CAMKK1: variants seen among roughly 807,000 people sequenced by gnomAD.
CAMKK1 encodes calcium/calmodulin dependent protein kinase kinase 1.
Under a neutral mutation model 63.5 loss-of-function variants are expected in CAMKK1, and 20 were observed. That is an observed-to-expected ratio of 0.32 (90% CI 0.22 to 0.46). The LOEUF is 0.46. CAMKK1 is among the 20% of genes least tolerant of loss of function. The probability of loss-of-function intolerance (pLI) is 1.00; values close to 1 mark genes in which losing one functional copy is unlikely to be tolerated. For synonymous variants in CAMKK1, 253 were observed against 269.0 expected (o/e 0.94, Z 0.58); for missense variants, 588 against 658.1 (o/e 0.89, Z 1.17).
At chr17:3,881,708 T>A (rs1035748281) in intron 7 of CAMKK1, 60 bp from the exon 8 acceptor site, 1 of 1,492,524 alleles carries the variant, frequency 6.7e-7, no homozygotes, top group African/African-American at 1.4e-5. Context: ...GATGCCAAGG[T>A]CCCTCCCTGT....
intron 12 of CAMKK1, among the ~76,000 whole-genome samples, chr17:3,871,351 T>TTTTTTTTTTTTTTTTTTTTTTTTTTA (rs2054852975): frequency 1.3e-5 from 1 of 77,482 alleles, no homozygotes; most frequent in Non-Finnish European, 2.4e-5. Flanking sequence ...TTTTTTGTTT[T>TTTTTTTTTTTTTTTTTTTTTTTTTTA]TTTTTTTTTT....
At chr17:3,876,635 G>A (rs138121997) in intron 9 of CAMKK1, among the ~76,000 whole-genome samples, 184 of 152,310 alleles carry the variant, frequency 1.2e-3, no homozygotes, top group African/African-American at 4.4e-3. Flanking sequence ...GCCAGGACTG[G>A]AATCTTAGGA....
At chr17:3,880,215 C>T in intron 9 of CAMKK1, 131 bp downstream of exon 9, 2 of 755,472 alleles carry the variant, frequency 2.6e-6, no homozygotes, top group Admixed American at 4.6e-5. Context: ...GTGCATGCCC[C>T]ACTCCCACTG....
chr17:3,866,514 C>T (rs1024251756), intron 14 of CAMKK1, among the ~76,000 whole-genome samples: 24 of 152,366 alleles, frequency 1.6e-4, no homozygotes, highest in African/African-American at 5.0e-4. Context: ...GTCCCTCCTC[C>T]GTGACAAGGA....
At position 3,879,382 on chromosome 17, in the gene CAMKK1, C is replaced by CA. The variant is rs1364814458; in HGVS notation, c.796+963dup. The CA allele has an allele frequency of 6.6e-6, 1 of 152,640 alleles. No individual in the cohort carries two copies. The highest frequency in any genetic ancestry group is 2.4e-5 in the African/African-American group (1 of 41,450). The allele number at this position is 152,640 out of a possible 1,614,324, so 9.5% of individuals were successfully genotyped here. Reference sequence around the variant, plus strand: ...ATCCAGCCACCACACAGCTGCCAGACAGAGCTTTCTCAGGCACAAATCCCA... The same window carrying CA: ...ATCCAGCCACCACACAGCTGCCAGACAAGAGCTTTCTCAGGCACAAATCCCA... On this transcript the variant is annotated intron_variant, in intron 9 of 15. Transcript: ENST00000348335. This position sits in a 1 kb window ranked among gnomAD's most constrained non-coding sequence, Gnocchi z 4.5.
chr17:3,875,680 C>G (rs564963646), intron 10 of CAMKK1, among the ~76,000 whole-genome samples: 63 of 152,300 alleles, frequency 4.1e-4, no homozygotes, highest in African/African-American at 1.5e-3. Flanking sequence ...GTGAAACAGC[C>G]ATGTGCCCAG....
Position 3,884,047 on chromosome 17 carries a change from T to G in CAMKK1, c.409-110A>C. 9.6e-7 allele frequency: 1 copy of G among 1,044,700 alleles called. No homozygotes were observed. Among genetic ancestry groups the G allele is most frequent in the Admixed American group, 1.9e-5 (1 of 52,404 alleles). The allele number at this position is 1,044,700 out of a possible 1,614,324, so 64.7% of individuals were successfully genotyped here. ...GGTCTCTCCTGCACCCCATCTGCAC[T>G]ACCCACCACCAGCTGGCTCACGGGC... On this transcript the variant is annotated intron_variant, in intron 3 of 15. Transcript: ENST00000348335. This position sits in a 1 kb window ranked among gnomAD's most constrained non-coding sequence, Gnocchi z 4.5.
chr17:3,888,074 A>G (rs2055733234), intron 1 of CAMKK1, among the ~76,000 whole-genome samples: 1 of 152,340 alleles, frequency 6.6e-6, no homozygotes, highest in East Asian at 1.9e-4. Flanking sequence ...AAGCAGCCTC[A>G]GAGAGGCAAC....
chr17:3,882,257 C>T lies in CAMKK1; in HGVS notation c.685+271G>A. The T allele has an allele frequency of 6.2e-7, 1 of 1,609,448 alleles. No individual in the cohort carries two copies. The highest frequency in any genetic ancestry group is 2.2e-5 in the East Asian group (1 of 44,848). ...CATGCAGCCTGCTTCCTGCATCTAC[C>T]TGAGCGCGCAGCCCACGTGGATCCA... On this transcript the variant is annotated intron_variant, in intron 7 of 15. Coordinates refer to ENST00000348335, the MANE Select transcript of CAMKK1 (RefSeq NM_032294.3). This position sits in a 1 kb window ranked among gnomAD's most constrained non-coding sequence, Gnocchi z 4.3.
rs994685611 is a variant in CAMKK1, at chr17:3,892,141, C to G, written c.-44+798G>C. On this transcript the variant is annotated intron_variant, in intron 1 of 15. Transcript: ENST00000348335. This position sits in a 1 kb window ranked among gnomAD's most constrained non-coding sequence, Gnocchi z 7.5. Reference sequence around the variant, plus strand: ...CCCGCCCTGCGGACACCACCAAGGCCCGGTCCTGTGGCCTGTGACACAGCC... The same window carrying G: ...CCCGCCCTGCGGACACCACCAAGGCGCGGTCCTGTGGCCTGTGACACAGCC... Among the ~76,000 whole-genome samples, 2 of 152,080 alleles carry G rather than the reference C, an allele frequency of 1.3e-5. No homozygotes were observed. Among genetic ancestry groups the G allele is most frequent in the Admixed American group, 6.5e-5 (1 of 15,274 alleles).
Position 3,876,209 on chromosome 17 carries a change from G to C in CAMKK1, c.996+14C>G, listed in dbSNP as rs2055144533. On this transcript the variant is annotated intron_variant, in intron 10 of 15. Coordinates refer to ENST00000348335, the MANE Select transcript of CAMKK1 (RefSeq NM_032294.3). ...CCACTTGAACCCCAGCCTGGCCCAG[G>C]GCCTGCGAGTCACCTTCCCACTGAA... The C allele has an allele frequency of 6.2e-7, 1 of 1,612,242 alleles. No homozygotes were observed. The highest frequency in any genetic ancestry group is 1.1e-5 in the South Asian group (1 of 90,946).
rs537670949 is a variant in CAMKK1 at position 3,876,514 on chromosome 17, G to A, written c.797-92C>T. 2.4e-5 allele frequency: 27 copies of A among 1,122,100 alleles called. 1 individual carries two copies. In the East Asian group the frequency reaches 4.6e-4, roughly 19 times the overall value. The allele number at this position is 1,122,100 out of a possible 1,614,324, so 69.5% of individuals were successfully genotyped here. A position where few individuals can be genotyped will look rare whatever the true frequency, so the allele number is the denominator to read the frequency against. ...CCTTGCACAGCCAGGGACGCCGGCC[G>A]GGACATCCCAGCCCATGCACACTTT... On this transcript the variant is annotated intron_variant, in intron 9 of 15. Transcript: ENST00000348335.
At position 3,882,399 on chromosome 17, in the gene CAMKK1, C is replaced by CGT; in HGVS notation, c.685+127_685+128dup. ...GGCAAGGGAATCCAGGGCTTCAGAA[C>CGT]GTGTGTTTTTCTTCTGTCCCCAGGA... On this transcript the variant is annotated intron_variant, in intron 7 of 15. Coordinates refer to ENST00000348335, the MANE Select transcript of CAMKK1 (RefSeq NM_032294.3). This position sits in a 1 kb window ranked among gnomAD's most constrained non-coding sequence, Gnocchi z 4.3. 1 of 1,595,990 alleles carries CGT rather than the reference C, an allele frequency of 6.3e-7. No individual in the cohort carries two copies. Among genetic ancestry groups the CGT allele is most frequent in the Non-Finnish European group, 8.6e-7 (1 of 1,163,746 alleles).
chr17:3,865,481 C>T (rs1020377007), intron 15 of CAMKK1: 1 of 1,014,278 alleles, frequency 9.9e-7, no homozygotes, highest in African/African-American at 1.7e-5. Flanking sequence ...CCCTCCTCTA[C>T]AGCCCGCCAG....
At position 3,869,496 on chromosome 17, in the gene CAMKK1, C is replaced by G. The variant is rs2054741512; in HGVS notation, c.1332G>C (p.Trp444Cys). The G allele has an allele frequency of 1.4e-5, 22 of 1,614,096 alleles. No homozygotes were observed. Among genetic ancestry groups the G allele is most frequent in the Non-Finnish European group, 1.4e-5 (17 of 1,180,044 alleles). Residue 444 changes from tryptophan (W) to cysteine (C), a missense_variant, in exon 14 of 16, where the codon TGG (tryptophan) becomes TGC (cysteine). Physicochemically the swap from Trp to Cys is radical, Grantham distance 215. Coordinates refer to ENST00000348335, the MANE Select transcript of CAMKK1 (RefSeq NM_032294.3). The part of the protein sequence containing the change: ...VKNSVRLIPS[W>C]TTVILVKSML... ...ACCCCGGCTCTCTTACCACCGTGGT[C>G]CAGCTGGGGATGAGCCTGACTGAGT...
rs190849236 is a variant in CAMKK1, at chr17:3,872,422, C to T, written c.1124+132G>A. ...CTCCCGTCCATCTATTCAGGGGTCC[C>T]TCCCAGGGAACAGCACCGCCACCTT... On this transcript the variant is annotated intron_variant, in intron 12 of 15. Transcript: ENST00000348335. 324 of 720,472 alleles carry T rather than the reference C, an allele frequency of 4.5e-4. 1 individual carries two copies. The African/African-American group carries it at 4.7e-3, about 11-fold the overall frequency. 44.6% of individuals were successfully genotyped at this position (720,472 alleles called of 1,614,324 possible).
chr17:3,869,008 G>A (rs1261092931), intron 14 of CAMKK1, among the ~76,000 whole-genome samples: 8 of 137,082 alleles, frequency 5.8e-5, no homozygotes, highest in Non-Finnish European at 1.1e-4. Context: ...TCGCTCTGTG[G>A]CCCAGGCTGG....
At position 3,881,613 on chromosome 17, in the gene CAMKK1, G is replaced by C; in HGVS notation, c.707+14C>G. 1 of 1,568,690 alleles carries C rather than the reference G, an allele frequency of 6.4e-7. No individual in the cohort carries two copies. Among genetic ancestry groups the C allele is most frequent in the Non-Finnish European group, 8.7e-7 (1 of 1,154,792 alleles). ...GATGAGAATTGACCTGCCTGATCAG[G>C]ACGGGGAACTCACCCCTTTCTCAGG... On this transcript the variant is annotated intron_variant, in intron 8 of 15. Transcript: ENST00000348335.
At chr17:3,876,563 G>A in intron 9 of CAMKK1, 141 bp from the exon 10 acceptor site, 1 of 677,868 alleles carries the variant, frequency 1.5e-6, no homozygotes. Context: ...CCTGGGAGGA[G>A]GACGTCAGGG....
Sources: gnomAD v4.1 joint callset for allele counts (sites outside exome capture counted in the v4.1 genomes callset) on GRCh38, gnomAD v4.1.1 for gene constraint, Gnocchi (gnomAD v3.1) non-coding constraint, MANE v1.5 for transcripts, NCBI Gene and HGNC (gene_info 2026-07-23, HGNC 2026-07-21) for gene names.